KCNQ1: variants seen among roughly 807,000 people sequenced by gnomAD.
The protein encoded by KCNQ1 is potassium voltage-gated channel subfamily KQT member 1.
Under a neutral mutation model 72.4 loss-of-function variants are expected in KCNQ1, and 49 were observed. The observed-to-expected ratio is 0.68, with a 90% confidence interval of 0.54 to 0.86. The LOEUF (loss-of-function observed/expected upper bound fraction) is 0.86. Among genes scored for constraint, KCNQ1 ranks in the 40% least tolerant of loss-of-function variants. The pLI, the probability that KCNQ1 is intolerant of heterozygous loss-of-function variation, is 0.00. For missense variants in KCNQ1, 790 were observed against 945.1 expected (o/e 0.84, Z 2.15); for synonymous variants, 450 against 412.6 (o/e 1.09, Z -1.10).
chr11:2,789,516 G>A (rs931049492), intron 15 of KCNQ1, among the ~76,000 whole-genome samples: 7 of 152,212 alleles, frequency 4.6e-5, no homozygotes, highest in Non-Finnish European at 8.8e-5. Flanking sequence ...GTCATTGCTC[G>A]GGAGGGATAT....
At position 2,464,007 on chromosome 11, in the gene KCNQ1, G is replaced by C. The variant is rs1846316350; in HGVS notation, c.386+18523G>C. Among the ~76,000 whole-genome samples, 1 of 152,222 alleles carries C rather than the reference G, an allele frequency of 6.6e-6. No homozygotes were observed. Among genetic ancestry groups the C allele is most frequent in the Non-Finnish European group, 1.5e-5 (1 of 68,030 alleles). ...ACCGTGGACCGGGGTGACAGGCCCTGACTCTGCAGAGCAGGACTGTGGAAA... is the reference window on the plus strand; with the variant it reads ...ACCGTGGACCGGGGTGACAGGCCCTCACTCTGCAGAGCAGGACTGTGGAAA... On this transcript the variant is annotated intron_variant, in intron 1 of 15. Coordinates refer to ENST00000155840, the MANE Select transcript of KCNQ1 (RefSeq NM_000218.3). This position sits in a 1 kb window ranked among gnomAD's most constrained non-coding sequence, Gnocchi z 5.0.
chr11:2,703,782 G>C lies in KCNQ1; in HGVS notation c.1514+41701G>C, dbSNP rs1850860879. Among the ~76,000 whole-genome samples the C allele has an allele frequency of 6.6e-6, 1 of 152,324 alleles. No homozygotes were observed. The highest frequency in any genetic ancestry group is 2.1e-4 in the South Asian group (1 of 4,830). On this transcript the variant is annotated intron_variant, in intron 11 of 15. Coordinates refer to ENST00000155840, the MANE Select transcript of KCNQ1 (RefSeq NM_000218.3). This position sits in a 1 kb window ranked among gnomAD's most constrained non-coding sequence, Gnocchi z 6.4. ...TGGCAGGCCCTGGCCAAGGAGTTCT[G>C]TGGGCCTCAATTCTCTCCCTACCCT...
At chr11:2,572,769 C>A in intron 5 of KCNQ1, 77 bp from the exon 6 acceptor site, 2 of 1,590,810 alleles carry the variant, frequency 1.3e-6, no homozygotes, top group South Asian at 2.2e-5. Context: ...CGCTGGGACT[C>A]GCTGCCTTAG....
chr11:2,716,216 C>G (rs181920655), intron 11 of KCNQ1, among the ~76,000 whole-genome samples: 37 of 152,156 alleles, frequency 2.4e-4, no homozygotes, highest in African/African-American at 8.7e-4. Context: ...AACATGTACC[C>G]TCTCCGGGCC....
At chr11:2,632,727 T>C in intron 10 of KCNQ1, 1 of 398,410 alleles carries the variant, frequency 2.5e-6, no homozygotes, top group South Asian at 1.3e-4. Flanking sequence ...TCCAAGTTCA[T>C]CCATGTTGCT....
chr11:2,527,262 AG>A (rs919128806), intron 1 of KCNQ1, among the ~76,000 whole-genome samples: 22 of 152,162 alleles, frequency 1.4e-4, no homozygotes, highest in African/African-American at 4.8e-4. Flanking sequence ...TGCCGCCTGG[AG>A]GCTCCTCTGG....
At chr11:2,792,656 C>T (rs1333212775) in intron 15 of KCNQ1, among the ~76,000 whole-genome samples, 6 of 151,978 alleles carry the variant, frequency 3.9e-5, no homozygotes, top group African/African-American at 1.2e-4. Flanking sequence ...CGGGCTGAGG[C>T]AGTGCCTGGA....
intron 11 of KCNQ1, among the ~76,000 whole-genome samples, chr11:2,754,523 TAG>T (rs1452795873): frequency 6.6e-6 from 1 of 152,158 alleles, no homozygotes; most frequent in African/African-American, 2.4e-5. Flanking sequence ...GGCACAAGGG[TAG>T]ACAATTAGCC....
At chr11:2,755,393 C>T (rs890174441) in intron 11 of KCNQ1, among the ~76,000 whole-genome samples, 3 of 152,132 alleles carry the variant, frequency 2.0e-5, no homozygotes, top group African/African-American at 7.2e-5. Flanking sequence ...TGGGACTACA[C>T]GCACGTGCCA....
intron 11 of KCNQ1, among the ~76,000 whole-genome samples, chr11:2,747,799 A>C (rs998687300): frequency 2.0e-5 from 3 of 152,014 alleles, no homozygotes; most frequent in African/African-American, 4.8e-5. Flanking sequence ...CAGAGATCAG[A>C]AGGAGGTGGT....
intron 2 of KCNQ1, among the ~76,000 whole-genome samples, chr11:2,554,999 G>A (rs979416658): frequency 2.0e-5 from 3 of 152,162 alleles, no homozygotes; most frequent in Non-Finnish European, 4.4e-5. Flanking sequence ...GCACACACGC[G>A]CTGACACACG....
intron 2 of KCNQ1, among the ~76,000 whole-genome samples, chr11:2,557,188 G>T (rs1412219492): frequency 2.0e-5 from 3 of 152,236 alleles, no homozygotes; most frequent in African/African-American, 7.2e-5. Flanking sequence ...AGATCAGGAT[G>T]AATATCAACA....
intron 11 of KCNQ1, among the ~76,000 whole-genome samples, chr11:2,714,483 G>A (rs1045045634): frequency 5.3e-5 from 8 of 152,184 alleles, no homozygotes; most frequent in Admixed American, 3.3e-4. Context: ...CTTCCCCTGT[G>A]CACTTCTGAA....
At chr11:2,505,901 G>T (rs1408309534) in intron 1 of KCNQ1, among the ~76,000 whole-genome samples, 1 of 152,176 alleles carries the variant, frequency 6.6e-6, no homozygotes, top group Non-Finnish European at 1.5e-5. Context: ...CTAGTAGACA[G>T]CATGTAGCTG....
intron 2 of KCNQ1, among the ~76,000 whole-genome samples, chr11:2,529,357 T>C (rs1274983906): frequency 6.6e-6 from 1 of 151,998 alleles, no homozygotes; most frequent in East Asian, 1.9e-4. Flanking sequence ...GCAGCCTTGC[T>C]TTTCCCAGTG....
chr11:2,583,405 C>T (rs372705509), intron 6 of KCNQ1, 30 bp from the exon 7 acceptor site: 77 of 1,515,296 alleles, frequency 5.1e-5, no homozygotes, highest in Middle Eastern at 1.7e-4. Context: ...CAGTCCCATC[C>T]GTGGCTGACC....
At chr11:2,638,019 T>G (rs1384958358) in intron 10 of KCNQ1, 1 of 152,248 alleles carries the variant, frequency 6.6e-6, no homozygotes, top group African/African-American at 2.4e-5. Flanking sequence ...TTTTTTATTT[T>G]CCATTTGCTT....
chr11:2,637,737 C>T (rs1189258029), intron 10 of KCNQ1: 1 of 152,178 alleles, frequency 6.6e-6, no homozygotes, highest in Admixed American at 6.5e-5. Context: ...CCTGGATATC[C>T]TTGTTAACTT....
chr11:2,612,733 T>G lies in KCNQ1; in HGVS notation c.1393+23879T>G, dbSNP rs1451253028. On this transcript the variant is annotated intron_variant, in intron 10 of 15. Coordinates refer to ENST00000155840, the MANE Select transcript of KCNQ1 (RefSeq NM_000218.3). The surrounding 1 kb of genome is among the most constrained non-coding windows in gnomAD (Gnocchi z 5.5). ...ATCGCGCCCTAACATTTGGGGCCCT[T>G]CAGAGATAATTCCTATTTATTGCTC... is the stretch of plus-strand genomic sequence containing the variant. 2.5e-6 allele frequency: 1 copy of G among 398,472 alleles called. No individual in the cohort carries two copies. The highest frequency in any genetic ancestry group is 2.1e-5 in the African/African-American group (1 of 48,636). 24.7% of individuals were successfully genotyped at this position (398,472 alleles called of 1,614,324 possible).
Sources: allele counts gnomAD v4.1 joint callset (sites outside exome capture counted in the v4.1 genomes callset), GRCh38; gene constraint gnomAD v4.1.1; non-coding constraint Gnocchi (gnomAD v3.1); transcripts MANE v1.5; gene names NCBI Gene and HGNC (gene_info 2026-07-23, HGNC 2026-07-21).